DPP4: variants seen among roughly 807,000 people sequenced by gnomAD.
The protein encoded by DPP4 is dipeptidyl peptidase 4, also known as ADCP-2.
A neutral mutation model predicts 122.4 loss-of-function variants in DPP4; 93 were observed. That is an observed-to-expected ratio of 0.76 (90% confidence interval 0.64 to 0.90). The LOEUF is 0.90. Ranked by LOEUF, DPP4 falls within the 40% of genes least tolerant of loss-of-function variation. The pLI, the probability that DPP4 is intolerant of heterozygous loss-of-function variation, is 0.00. For synonymous variants in DPP4, 321 were observed against 302.9 expected, an observed-to-expected ratio of 1.06 and a Z score of -0.62; for missense variants, 914 against 907.3, an observed-to-expected ratio of 1.01 and a Z score of -0.09.
chr2:162,018,684 A>T, intron 16 of DPP4, 45 bp downstream of exon 16: 2 of 1,601,726 alleles, frequency 1.2e-6, no homozygotes. Context: ...CTTCGAAGTG[A>T]GTAACAGCGG....
chr2:162,071,967 G>A (rs1685132364), intron 2 of DPP4, among the ~76,000 whole-genome samples: 1 of 152,166 alleles, frequency 6.6e-6, no homozygotes, highest in South Asian at 2.1e-4. Context: ...ATGCTGTGAT[G>A]CCTCAGTGAT....
At chr2:162,056,981 T>C (rs1031479944) in intron 2 of DPP4, among the ~76,000 whole-genome samples, 2 of 152,206 alleles carry the variant, frequency 1.3e-5, no homozygotes, top group African/African-American at 4.8e-5. Context: ...CAACCAGTCC[T>C]GTGACCGTCA....
rs530203939 is a variant in DPP4, at chr2:162,052,600, A to T, written c.95-5099T>A. On this transcript the variant is annotated intron_variant, in intron 2 of 25. Transcript: ENST00000360534. ...GGACCTAGAAAGAAATTGGTACCAG[A>T]GAAATGGAGTGTTGCTGTTACAGAT... Among the ~76,000 whole-genome samples, 12 of 152,336 alleles carry T rather than the reference A, an allele frequency of 7.9e-5. No individual in the cohort carries two copies. In the South Asian group the frequency reaches 2.5e-3, roughly 32 times the overall value.
intron 5 of DPP4, among the ~76,000 whole-genome samples, chr2:162,045,266 T>C (rs1684131465): frequency 6.6e-6 from 1 of 152,192 alleles, no homozygotes; most frequent in Non-Finnish European, 1.5e-5. Context: ...AGTACAAATT[T>C]TTATTGACTT....
chr2:162,037,969 AG>A (rs1012676636), intron 8 of DPP4, among the ~76,000 whole-genome samples: 10 of 152,246 alleles, frequency 6.6e-5, no homozygotes, highest in African/African-American at 2.4e-4. Flanking sequence ...CGGGTTAGGT[AG>A]GCTTAATTAG....
Position 162,019,276 on chromosome 2 carries a change from T to C in DPP4, c.1245A>G (p.Leu415=), listed in dbSNP as rs1480974980. 2 of 1,524,890 alleles carry C rather than the reference T, an allele frequency of 1.3e-6. No individual in the cohort carries two copies. The highest frequency in any genetic ancestry group is 1.4e-5 in the African/African-American group (1 of 72,112). The allele number at this position is 1,524,890 out of a possible 1,614,324, so 94.5% of individuals were successfully genotyped here. Residue 415 remains leucine, a splice_region_variant and synonymous_variant, in exon 15 of 26, where the codon CTA becomes CTG. Transcript: ENST00000360534. ...CTTTATATTCATTACTAATGTAGTA[T>C]CTAGGAAGAGAAAAAAATGAAATAT... ...IGIEALTSDY[L]YYISNEYKGM... is the part of the protein sequence containing the mutation.
intron 2 of DPP4, among the ~76,000 whole-genome samples, chr2:162,049,142 G>A (rs969069530): frequency 5.0e-4 from 76 of 152,150 alleles, no homozygotes; most frequent in African/African-American, 1.8e-3. Flanking sequence ...TACAATTTGG[G>A]GGACTGGGAA....
intron 2 of DPP4, among the ~76,000 whole-genome samples, chr2:162,058,989 C>T (rs927889126): frequency 7.2e-5 from 11 of 152,196 alleles, no homozygotes; most frequent in African/African-American, 2.4e-4. Context: ...CAGCATACGA[C>T]TCCAATATAT....
At chr2:162,018,696 G>A (rs1683007420) in intron 16 of DPP4, 33 bp downstream of exon 16, 1 of 1,606,358 alleles carries the variant, frequency 6.2e-7, no homozygotes, top group Non-Finnish European at 8.5e-7. Context: ...TAACAGCGGC[G>A]ACTGCCCTCC....
At chr2:162,062,730 G>T (rs1342341452) in intron 2 of DPP4, among the ~76,000 whole-genome samples, 1 of 152,194 alleles carries the variant, frequency 6.6e-6, no homozygotes, top group African/African-American at 2.4e-5. Flanking sequence ...CTGACTGCCT[G>T]TTCTGTGACT....
At chr2:162,066,263 A>T (rs535230689) in intron 2 of DPP4, among the ~76,000 whole-genome samples, 11 of 150,060 alleles carry the variant, frequency 7.3e-5, no homozygotes, top group South Asian at 4.2e-4. Context: ...TTTTTTTTTT[A>T]AACTTATTTT....
At position 162,038,368 on chromosome 2, in the gene DPP4, A is replaced by T. The variant is rs752967177; in HGVS notation, c.547T>A (p.Tyr183Asn). The change falls in exon 8 of 26, where the codon TAC (tyrosine) becomes AAC (asparagine). Residue 183 changes from tyrosine (Y) to asparagine (N), a missense_variant. Tyr to Asn is a moderately radical substitution (Grantham distance 143). Transcript: ENST00000360534. ...YVKIEPNLPSYRITWTGKEDI... is the reference protein window; with the variant it reads ...YVKIEPNLPSNRITWTGKEDI... Reference sequence around the variant, plus strand: ...TCTTTCCCCGTCCATGTGATTCTGTAACTTGGTAAATTTGGTTCAATTTTA... The same window carrying T: ...TCTTTCCCCGTCCATGTGATTCTGTTACTTGGTAAATTTGGTTCAATTTTA... 3 of 1,609,016 alleles carry T rather than the reference A, an allele frequency of 1.9e-6. No homozygotes were observed. The South Asian group carries it at 3.3e-5, about 18-fold the overall frequency.
At chr2:162,002,884 TTAGATTCAGTTCTCCACA>T (rs1260062901) in intron 23 of DPP4, among the ~76,000 whole-genome samples, 3 of 152,194 alleles carry the variant, frequency 2.0e-5, no homozygotes, top group South Asian at 2.1e-4. Context: ...AAATAGGCAC[TTAGATTCAGTTCTCCACA>T]TAGATTCAGT....
intron 25 of DPP4, among the ~76,000 whole-genome samples, chr2:161,994,182 C>G (rs1279141414): frequency 6.6e-6 from 1 of 152,152 alleles, no homozygotes; most frequent in Non-Finnish European, 1.5e-5. Context: ...GAAAAATAAA[C>G]TTCAACCTCT....
chr2:162,021,492 T>C (rs1001071417), intron 12 of DPP4: 2 of 152,196 alleles, frequency 1.3e-5, no homozygotes, highest in Non-Finnish European at 2.9e-5. Flanking sequence ...TCTTTTAAAA[T>C]TGTTGGTTCA....
chr2:162,025,208 A>C (rs532308307), intron 10 of DPP4, among the ~76,000 whole-genome samples: 1 of 152,266 alleles, frequency 6.6e-6, no homozygotes, highest in East Asian at 1.9e-4. Flanking sequence ...GACTCAAACC[A>C]CGAGCTCAGG....
intron 7 of DPP4, 73 bp downstream of exon 7, chr2:162,038,876 A>T: frequency 1.5e-6 from 2 of 1,303,132 alleles, no homozygotes; most frequent in Non-Finnish European, 2.2e-6. Context: ...TCTGCTTTGT[A>T]TCAGGGTTAG....
chr2:162,033,228 C>T (rs955645474), intron 10 of DPP4, among the ~76,000 whole-genome samples: 8 of 152,206 alleles, frequency 5.3e-5, no homozygotes, highest in African/African-American at 1.9e-4. Context: ...TTCTTCACCA[C>T]ATTTATTGCT....
intron 23 of DPP4, among the ~76,000 whole-genome samples, chr2:162,005,297 C>T (rs1701255811): frequency 6.6e-6 from 1 of 152,096 alleles, no homozygotes; most frequent in African/African-American, 2.4e-5. Flanking sequence ...ACCTGCTTTA[C>T]TTAAATCTTT....
Sources: gnomAD v4.1 joint callset for allele counts (sites outside exome capture counted in the v4.1 genomes callset) on GRCh38, gnomAD v4.1.1 for gene constraint, MANE v1.5 for transcripts, NCBI Gene and HGNC (gene_info 2026-07-23, HGNC 2026-07-21) for gene names.